The following SENP5 variants were observed in gnomAD, a reference collection of about 807,000 sequenced individuals.
SENP5 encodes SUMO specific peptidase 5, also known as sentrin-specific protease 5.
In SENP5, 21 loss-of-function variants were observed where a neutral mutation model predicts 74.2. The ratio of observed to expected loss-of-function variants is 0.28; its 90% CI spans 0.20 to 0.41. SENP5 has a LOEUF of 0.41. Among genes scored for constraint, SENP5 ranks in the 10% least tolerant of loss-of-function variants. SENP5 has a pLI of 1.00. For synonymous variants in SENP5, 311 were observed against 312.7 expected, an observed-to-expected ratio of 0.99 and a Z score of 0.06; for missense variants, 717 against 889.1, an observed-to-expected ratio of 0.81 and a Z score of 2.46.
chr3:196,901,984 T>C (rs970682536), intron 5 of SENP5, among the ~76,000 whole-genome samples: 38 of 152,092 alleles, frequency 2.5e-4, no homozygotes, highest in Non-Finnish European at 8.8e-5. Context: ...AATCAGAAAC[T>C]GGAGGTGGGG....
chr3:196,907,855 G>A (rs568894478), intron 6 of SENP5, among the ~76,000 whole-genome samples: 1 of 151,998 alleles, frequency 6.6e-6, no homozygotes, highest in Non-Finnish European at 1.5e-5. Flanking sequence ...GCTGTGGACT[G>A]GACAAGCTTG....
At chr3:196,923,334 C>T in intron 6 of SENP5, 80 bp from the exon 7 acceptor site, 1 of 1,496,002 alleles carries the variant, frequency 6.7e-7, no homozygotes, top group Non-Finnish European at 8.9e-7. Flanking sequence ...GGTCAAAGGT[C>T]AGCAAATGGA....
chr3:196,927,870 T>C lies in SENP5; in HGVS notation c.2097T>C (p.Ala699=), dbSNP rs1435254156. The C allele has an allele frequency of 6.2e-7, 1 of 1,606,758 alleles. No homozygotes were observed. Among genetic ancestry groups the C allele is most frequent in the South Asian group, 1.1e-5 (1 of 90,910 alleles). ...RPEFLQGWQT[A]VTKCIPQQKN... ...AATTTCTTCAGGGTTGGCAGACTGC[T>C]GTTACGAAGGTAAGTATGTGATAAC... The change falls in exon 8 of 10, where the codon GCT becomes GCC. Residue 699 remains alanine, a synonymous_variant. Transcript: ENST00000323460.
chr3:196,886,254 A>C lies in SENP5; in HGVS notation c.1073A>C (p.Gln358Pro). 1 of 1,614,160 alleles carries C rather than the reference A, an allele frequency of 6.2e-7. No homozygotes were observed. The change falls in exon 2 of 10, where the codon CAG becomes CCG. Residue 358 changes from glutamine (Q) to proline (P), a missense_variant. By Grantham distance (76) the Gln-to-Pro change is moderately conservative. Coordinates refer to ENST00000323460, the MANE Select transcript of SENP5 (RefSeq NM_152699.5). ...QNGSATNAWD[Q>P]SSCSSPKWEC... ...GGCAGTGCCACAAACGCCTGGGACC[A>C]GTCATCCTGTTCTTCTCCTAAGTGG... is the stretch of plus-strand genomic sequence containing the variant.
intron 6 of SENP5, 40 bp downstream of exon 6, chr3:196,903,650 C>A: frequency 7.6e-7 from 1 of 1,323,988 alleles, no homozygotes; most frequent in Non-Finnish European, 1.1e-6. Flanking sequence ...ATTTGAAACG[C>A]AGATGATAAA....
intron 9 of SENP5, among the ~76,000 whole-genome samples, 172 bp from the exon 10 acceptor site, chr3:196,930,641 C>T (rs144622018): frequency 1.6e-3 from 238 of 152,244 alleles, no homozygotes; most frequent in African/African-American, 5.4e-3. Flanking sequence ...AAACCAACCC[C>T]CTCTCCCCCA....
At chr3:196,876,389 G>T (rs1307720534) in intron 1 of SENP5, among the ~76,000 whole-genome samples, 1 of 152,036 alleles carries the variant, frequency 6.6e-6, no homozygotes, top group Non-Finnish European at 1.5e-5. Flanking sequence ...GCCGGGCCTG[G>T]TGGCGGGCGT....
At chr3:196,921,394 T>C (rs984970443) in intron 6 of SENP5, among the ~76,000 whole-genome samples, 10 of 152,166 alleles carry the variant, frequency 6.6e-5, no homozygotes, top group African/African-American at 1.2e-4. Flanking sequence ...TGGGTTAGAG[T>C]TACTCAGCCT....
chr3:196,888,583 CA>C (rs112395641), intron 2 of SENP5, among the ~76,000 whole-genome samples: 22 of 140,580 alleles, frequency 1.6e-4, no homozygotes, highest in Middle Eastern at 3.6e-3. Context: ...GACTCTCTCA[CA>C]AAAAAAAAAG....
At chr3:196,874,163 A>T (rs989808010) in intron 1 of SENP5, among the ~76,000 whole-genome samples, 2 of 145,964 alleles carry the variant, frequency 1.4e-5, no homozygotes, top group African/African-American at 5.2e-5. Flanking sequence ...AAAAAAAAAG[A>T]TAAAGGACAA....
At chr3:196,907,366 C>T (rs1714945216) in intron 6 of SENP5, among the ~76,000 whole-genome samples, 1 of 147,402 alleles carries the variant, frequency 6.8e-6, no homozygotes. Flanking sequence ...CCCACTTACT[C>T]AGGAGACTGA....
At chr3:196,892,842 T>G (rs1345172414) in intron 2 of SENP5, among the ~76,000 whole-genome samples, 1 of 152,240 alleles carries the variant, frequency 6.6e-6, no homozygotes, top group African/African-American at 2.4e-5. Flanking sequence ...TCACATATTA[T>G]GCTCCAGATT....
At chr3:196,909,637 A>G (rs1333629719) in intron 6 of SENP5, among the ~76,000 whole-genome samples, 1 of 152,250 alleles carries the variant, frequency 6.6e-6, no homozygotes, top group Non-Finnish European at 1.5e-5. Context: ...AATCCGTCAT[A>G]TAAACAGAAC....
intron 2 of SENP5, among the ~76,000 whole-genome samples, chr3:196,896,455 TTGA>T (rs1258759106): frequency 2.5e-5 from 2 of 81,564 alleles, no homozygotes; most frequent in Non-Finnish European, 6.7e-5. Flanking sequence ...GATTGACTGG[TTGA>T]TTGATTGATT....
In SENP5 at chr3:196,930,916, T is replaced by C; in HGVS notation, c.2261T>C (p.Met754Thr). The C allele has an allele frequency of 6.2e-7, 1 of 1,609,118 alleles. No homozygotes were observed. Among genetic ancestry groups the C allele is most frequent in the East Asian group, 2.2e-5 (1 of 44,866 alleles). ...AAGGAGCTATGTGAGTGCCGGCTCA[T>C]GGACTGAAACTCAGCAGGGACTCTG... ...IYKELCECRL[M>T]D Residue 754 changes from methionine (M) to threonine (T), a missense_variant, in exon 10 of 10, where the codon ATG becomes ACG. By Grantham distance (81) the Met-to-Thr change is moderately conservative (BLOSUM62 -1). Transcript: ENST00000323460.
At position 196,868,707 on chromosome 3, in the gene SENP5, T is replaced by C. The variant is rs78070802; in HGVS notation, c.-32+634T>C. 1.2e-3 allele frequency among the ~76,000 whole-genome samples: 179 copies of C among 152,364 alleles called. 3 individuals are homozygous for C. The East Asian group carries it at 0.029, about 25-fold the overall frequency. On this transcript the variant is annotated intron_variant, in intron 1 of 9. Transcript: ENST00000323460. The stretch of plus-strand genomic sequence containing the variant: ...GTAGTGTTTTTCATCTCATGCTAGA[T>C]AGACATTTCGACCTTTTTCACCGCA...
At chr3:196,890,505 C>G (rs542126677) in intron 2 of SENP5, among the ~76,000 whole-genome samples, 1 of 152,170 alleles carries the variant, frequency 6.6e-6, no homozygotes, top group African/African-American at 2.4e-5. Flanking sequence ...GAAAGCTCCT[C>G]CTTTGAAAAA....
At chr3:196,910,563 G>C (rs1045695655) in intron 6 of SENP5, among the ~76,000 whole-genome samples, 4 of 151,646 alleles carry the variant, frequency 2.6e-5, no homozygotes, top group Admixed American at 6.6e-5. Flanking sequence ...AGCCAGGATG[G>C]TCTCGATGTC....
chr3:196,900,293 A>G, intron 4 of SENP5, 72 bp from the exon 5 acceptor site: 1 of 1,411,230 alleles, frequency 7.1e-7, no homozygotes, highest in Non-Finnish European at 9.8e-7. Flanking sequence ...GGTTTTATTT[A>G]TTTATTTTGT....
Sources: gnomAD v4.1 joint callset for allele counts (sites outside exome capture counted in the v4.1 genomes callset) on GRCh38, gnomAD v4.1.1 for gene constraint, MANE v1.5 for transcripts, NCBI Gene and HGNC (gene_info 2026-07-23, HGNC 2026-07-21) for gene names.